NBPF11: variants seen among roughly 807,000 people sequenced by gnomAD.
NBPF11 encodes NBPF family member NBPF11.
In NBPF11, 72 loss-of-function variants were observed where a neutral mutation model predicts 93.9. The observed-to-expected ratio is 0.77, with a 90% CI of 0.63 to 0.93. NBPF11 has a LOEUF of 0.93. Ranked by LOEUF, NBPF11 falls within the 40% of genes least tolerant of loss-of-function variation. NBPF11 has a pLI of 0.00. For missense variants in NBPF11, 705 were observed against 802.2 expected, an observed-to-expected ratio of 0.88 and a Z score of 1.46; for synonymous variants, 224 against 304.9, an observed-to-expected ratio of 0.73 and a Z score of 2.76.
rs1443067577 is a variant in NBPF11 at position 148,130,513 on chromosome 1, G to T, written c.-35-3475C>A. On this transcript the variant is annotated intron_variant, in intron 4 of 23. Transcript: ENST00000682118. ...CTCACCAATTGCTTTTAGGGGCCTC[G>T]TACCTGCTTCATTGCATGTATTGTT... 1.5e-4 allele frequency among the ~76,000 whole-genome samples: 22 copies of T among 151,658 alleles called. No homozygotes were observed. The East Asian group carries it at 2.7e-3, about 19-fold the overall frequency.
In NBPF11 at chr1:148,126,929, G is replaced by A; in HGVS notation, c.75C>T (p.Arg25=). ...MNILEINEKL[R]PQLAENKQQF... ...GCTGTTTGTTCTCTGCCAACTGGGG[G>A]CGCAATTTCTCGTTGATTTCTAGAA... Residue 25 remains arginine, a synonymous_variant, in exon 5 of 24, where the codon CGC becomes CGT. Coordinates refer to ENST00000682118, the MANE Select transcript of NBPF11 (RefSeq NM_001385469.3). The A allele has an allele frequency of 3.6e-6, 4 of 1,120,918 alleles. No homozygotes were observed. Among genetic ancestry groups the A allele is most frequent in the East Asian group, 2.4e-5 (1 of 41,846 alleles). 69.4% of individuals were successfully genotyped at this position (1,120,918 alleles called of 1,614,324 possible).
rs1185486834 is a variant in NBPF11 at position 148,120,728 on chromosome 1, A to C, written c.779-18T>G. The C allele has an allele frequency of 5.8e-5, 86 of 1,476,026 alleles. No individual in the cohort carries two copies. Among genetic ancestry groups the C allele is most frequent in the Non-Finnish European group, 7.7e-5 (81 of 1,056,408 alleles). The allele number at this position is 1,476,026 out of a possible 1,614,324, so 91.4% of individuals were successfully genotyped here. On this transcript the variant is annotated intron_variant, in intron 9 of 23. Transcript: ENST00000682118. ...GCCAGGGACTGGGGAGAAGAAAGGCAAACATATGATGGGTTAAAAACTGGT... is the reference window on the plus strand; with the variant it reads ...GCCAGGGACTGGGGAGAAGAAAGGCCAACATATGATGGGTTAAAAACTGGT...
chr1:148,132,656 A>G (rs1284583051), intron 4 of NBPF11, among the ~76,000 whole-genome samples: 7 of 136,650 alleles, frequency 5.1e-5, no homozygotes, highest in African/African-American at 1.9e-4. Flanking sequence ...TAGTTCTTTC[A>G]TAATTTCTCA....
At chr1:148,119,667 TA>T (rs1349617938) in intron 10 of NBPF11, among the ~76,000 whole-genome samples, 4 of 151,934 alleles carry the variant, frequency 2.6e-5, no homozygotes, top group Non-Finnish European at 5.9e-5. Context: ...TTATCATTAT[TA>T]TTTTTTTTTA....
intron 14 of NBPF11, among the ~76,000 whole-genome samples, chr1:148,115,164 C>CAAAAAAA (rs57869119): frequency 7.4e-4 from 9 of 12,160 alleles, no homozygotes; most frequent in Non-Finnish European, 1.0e-3. Context: ...GACTCCATCA[C>CAAAAAAA]AAAAAAAAAA....
Position 148,103,596 on chromosome 1 carries a change from G to A in NBPF11, c.*300C>T. 5.6e-6 allele frequency: 9 copies of A among 1,609,138 alleles called. No individual in the cohort carries two copies. In the South Asian group the frequency reaches 8.8e-5, roughly 16 times the overall value. ...GTCTGGGCTTCCAAATGGAACTATA[G>A]TTTCATTCAAATCTTCAGGTGCCTA... is the stretch of plus-strand genomic sequence containing the variant. On this transcript the variant is annotated 3_prime_UTR_variant, in exon 24 of 24. Coordinates refer to ENST00000682118, the MANE Select transcript of NBPF11 (RefSeq NM_001385469.3).
chr1:148,151,369 G>A (rs1249450103), intron 1 of NBPF11, among the ~76,000 whole-genome samples: 1 of 151,978 alleles, frequency 6.6e-6, no homozygotes, highest in Non-Finnish European at 1.5e-5. Flanking sequence ...AGTCAGGGGC[G>A]CGAGCGCTCT....
intron 4 of NBPF11, chr1:148,129,654 TCATGAATGGGCTGA>T (rs1184766253): frequency 5.7e-6 from 1 of 176,436 alleles, no homozygotes; most frequent in Admixed American, 5.9e-5. Flanking sequence ...TCAAGCTTTG[TCATGAATGGGCTGA>T]CACTGGGGGG....
chr1:148,109,001 C>A (rs1664576722), intron 17 of NBPF11, among the ~76,000 whole-genome samples: 1 of 151,430 alleles, frequency 6.6e-6, no homozygotes, highest in Non-Finnish European at 1.5e-5. Flanking sequence ...AAAGCATGGC[C>A]TCAATAATTT....
intron 8 of NBPF11, 106 bp downstream of exon 8, chr1:148,122,623 A>C: frequency 1.3e-6 from 2 of 1,513,982 alleles, no homozygotes; most frequent in Non-Finnish European, 1.8e-6. Flanking sequence ...TACTGTGGCC[A>C]AGGGAATGCG....
rs1553272204 is a variant in NBPF11, at chr1:148,123,875, G to A, written c.471C>T (p.His157=). ...QLAEGCRLAQ[H]LVQKLSPEND... is the part of the protein sequence containing the mutation. ...TACCTGGGCTGAGCTTTTGGACAAG[G>A]TGCTGTGCCAGTCTACACCCCTCAG... The change falls in exon 7 of 24, where the codon CAC becomes CAT. Residue 157 remains histidine (H), a synonymous_variant. Transcript: ENST00000682118. The A allele has an allele frequency of 6.2e-7, 1 of 1,605,120 alleles. No homozygotes were observed. Among genetic ancestry groups the A allele is most frequent in the African/African-American group, 1.4e-5 (1 of 73,412 alleles).
rs1333174817 is a variant in NBPF11 at position 148,134,731 on chromosome 1, T to A, written c.-36+941A>T. ...ATTTGACATAAAGTGCTACATGGCA[T>A]TGGGGCTGGTACAGCCTCACTCAAT... On this transcript the variant is annotated intron_variant, in intron 4 of 23. Coordinates refer to ENST00000682118, the MANE Select transcript of NBPF11 (RefSeq NM_001385469.3). Among the ~76,000 whole-genome samples the A allele has an allele frequency of 2.0e-5, 3 of 152,028 alleles. No individual in the cohort carries two copies. In the East Asian group the frequency reaches 5.8e-4, roughly 29 times the overall value.
chr1:148,147,536 G>A (rs1360332186), intron 1 of NBPF11, among the ~76,000 whole-genome samples: 3 of 152,032 alleles, frequency 2.0e-5, no homozygotes, highest in Non-Finnish European at 4.4e-5. Context: ...GGCCAGTGCT[G>A]CTTTGGACGA....
chr1:148,146,098 G>A (rs1672966795), intron 1 of NBPF11, among the ~76,000 whole-genome samples: 1 of 151,882 alleles, frequency 6.6e-6, no homozygotes. Context: ...ACGGACGCAC[G>A]GGCGGGCGGC....
intron 4 of NBPF11, among the ~76,000 whole-genome samples, chr1:148,134,118 A>T (rs2149272489): frequency 6.6e-6 from 1 of 151,986 alleles, no homozygotes; most frequent in East Asian, 1.9e-4. Context: ...GCGCCACAGG[A>T]CCTTTACATG....
At chr1:148,104,110 G>GAGAC (rs1662955169) in intron 23 of NBPF11, among the ~76,000 whole-genome samples, 198 bp from the exon 24 acceptor site, 1 of 132,622 alleles carries the variant, frequency 7.5e-6, no homozygotes, top group Non-Finnish European at 1.6e-5. Context: ...GACAGAGAGA[G>GAGAC]AGAGACAGAG....
At position 148,124,933 on chromosome 1, in the gene NBPF11, G is replaced by T. The variant is rs782315372; in HGVS notation, c.244C>A (p.Leu82Ile). Residue 82 changes from leucine to isoleucine, a missense_variant, in exon 6 of 24, where the codon CTT (leucine) becomes ATT (isoleucine). Physicochemically the swap from Leu to Ile is conservative, Grantham distance 5. Around this residue, in one of 12 missense-constraint regions of NBPF11, gnomAD observed 128 missense variants for 112.8 expected, o/e 1.14. Coordinates refer to ENST00000682118, the MANE Select transcript of NBPF11 (RefSeq NM_001385469.3). ...RNERQFKEEK[L>I]AEQLKQAEEL... Reference sequence around the variant, plus strand: ...TCAGCTTGCTTGAGCTGCTCTGCAAGCTTCTCCTCCTTGAACTGTCGCTCA... The same window carrying T: ...TCAGCTTGCTTGAGCTGCTCTGCAATCTTCTCCTCCTTGAACTGTCGCTCA... 1.2e-6 allele frequency: 2 copies of T among 1,610,074 alleles called. No individual in the cohort carries two copies. Among genetic ancestry groups the T allele is most frequent in the Admixed American group, 3.3e-5 (2 of 60,026 alleles).
chr1:148,146,400 C>G (rs1673083707), intron 1 of NBPF11: 1 of 1,597,658 alleles, frequency 6.3e-7, no homozygotes, highest in Admixed American at 1.7e-5. Context: ...CCGCCATGAA[C>G]GGGCTGTCGC....
rs1373127309 is a variant in NBPF11 at position 148,106,936 on chromosome 1, A to G, written c.2251+6T>C. 51 of 699,000 alleles carry G rather than the reference A, an allele frequency of 7.3e-5. No individual in the cohort carries two copies. Among genetic ancestry groups the G allele is most frequent in the Non-Finnish European group, 1.1e-4 (44 of 389,332 alleles). The allele number at this position is 699,000 out of a possible 1,614,324, so 43.3% of individuals were successfully genotyped here. A position where few individuals can be genotyped will look rare whatever the true frequency, so the allele number is the denominator to read the frequency against. On this transcript the variant is annotated splice_donor_region_variant and intron_variant, in intron 20 of 23. Coordinates refer to ENST00000682118, the MANE Select transcript of NBPF11 (RefSeq NM_001385469.3). ...AGGCTTATCACCTTCATAGTAAGGT[A>G]CTCACTGTCCACGTCAAGAGCCAAG...
Sources: gnomAD v4.1 joint callset for allele counts (sites outside exome capture counted in the v4.1 genomes callset) on GRCh38, gnomAD v4.1.1 for gene constraint, gnomAD v4.1.1 regional missense constraint, MANE v1.5 for transcripts, NCBI Gene and HGNC (gene_info 2026-07-23, HGNC 2026-07-21) for gene names.